The following LAPTM5 variants were observed in gnomAD, a reference collection of about 807,000 sequenced individuals.
LAPTM5 encodes lysosomal protein transmembrane 5, also known as lysosomal-associated transmembrane protein 5.
A neutral mutation model predicts 30.1 loss-of-function variants in LAPTM5; 11 were observed. That is an observed-to-expected ratio of 0.37 (90% confidence interval 0.23 to 0.60). The LOEUF is 0.60. Among genes scored for constraint, LAPTM5 ranks in the 20% least tolerant of loss-of-function variants. The pLI is 0.71. For synonymous variants in LAPTM5, 151 were observed against 137.9 expected (o/e 1.10, Z -0.67); for missense variants, 324 against 332.5 (o/e 0.97, Z 0.20).
At chr1:30,747,804 G>A (rs904683975) in intron 1 of LAPTM5, among the ~76,000 whole-genome samples, 1 of 152,168 alleles carries the variant, frequency 6.6e-6, no homozygotes, top group African/African-American at 2.4e-5. Flanking sequence ...TGCACCAGGT[G>A]TCACCTGGGA....
chr1:30,737,910 G>A lies in LAPTM5; in HGVS notation c.511-211C>T, dbSNP rs114082244. On this transcript the variant is annotated intron_variant, in intron 5 of 7. Coordinates refer to ENST00000294507, the MANE Select transcript of LAPTM5 (RefSeq NM_006762.3). ...ACGGGCAAACCAAGAAAAGCCAAGT[G>A]GCTACTATCTCCAGATCTGCTTCCC... Among the ~76,000 whole-genome samples, 1,035 of 152,280 alleles carry A rather than the reference G, an allele frequency of 6.8e-3. 15 individuals are homozygous for A. The highest frequency in any genetic ancestry group is 0.023 in the African/African-American group (976 of 41,548).
At chr1:30,743,043 C>T (rs921714033) in intron 1 of LAPTM5, among the ~76,000 whole-genome samples, 2 of 152,134 alleles carry the variant, frequency 1.3e-5, no homozygotes, top group African/African-American at 2.4e-5. Flanking sequence ...TTCAGGTTCC[C>T]GGAATCATCA....
intron 6 of LAPTM5, 112 bp from the exon 7 acceptor site, chr1:30,735,377 C>G: frequency 2.4e-6 from 2 of 836,282 alleles, no homozygotes; most frequent in East Asian, 2.4e-5. Context: ...AGCCAGCATC[C>G]AGCTGCTCCT....
intron 2 of LAPTM5, 61 bp from the exon 3 acceptor site, chr1:30,741,777 C>T (rs1324542079): frequency 7.8e-7 from 1 of 1,279,012 alleles, no homozygotes; most frequent in African/African-American, 1.5e-5. Flanking sequence ...AGCCAGGCTC[C>T]CAGGACCACA....
rs368151353 is a variant in LAPTM5, at chr1:30,733,822, C to T, written c.*6G>A. ...TCCCAGCACTGGGGCTGGGGCCTGGCGAGGGTCACACCTCTGAGTATGGGG... is the reference window on the plus strand; with the variant it reads ...TCCCAGCACTGGGGCTGGGGCCTGGTGAGGGTCACACCTCTGAGTATGGGG... On this transcript the variant is annotated 3_prime_UTR_variant, in exon 8 of 8. Coordinates refer to ENST00000294507, the MANE Select transcript of LAPTM5 (RefSeq NM_006762.3). 1.2e-6 allele frequency: 2 copies of T among 1,600,852 alleles called. No individual in the cohort carries two copies. Among genetic ancestry groups the T allele is most frequent in the Non-Finnish European group, 1.7e-6 (2 of 1,176,034 alleles).
At chr1:30,754,606 G>T (rs1160115808) in intron 1 of LAPTM5, among the ~76,000 whole-genome samples, 1 of 152,142 alleles carries the variant, frequency 6.6e-6, no homozygotes, top group African/African-American at 2.4e-5. Context: ...TTGAAAAAAA[G>T]AATAGATTTT....
Position 30,733,709 on chromosome 1 carries a change from A to G in LAPTM5, c.*119T>C. ...AGGCCAGCGAGGGAGACACAAGCAG[A>G]TTGTCCTGCCAGGGAGGGGCGGGAG... On this transcript the variant is annotated 3_prime_UTR_variant, in exon 8 of 8. Coordinates refer to ENST00000294507, the MANE Select transcript of LAPTM5 (RefSeq NM_006762.3). The G allele has an allele frequency of 6.9e-7, 1 of 1,452,886 alleles. No homozygotes were observed. Among genetic ancestry groups the G allele is most frequent in the South Asian group, 1.2e-5 (1 of 81,834 alleles). 90.0% of individuals were successfully genotyped at this position (1,452,886 alleles called of 1,614,324 possible).
chr1:30,733,898 T>A lies in LAPTM5; in HGVS notation c.719A>T (p.Glu240Val). Reference sequence around the variant, plus strand: ...CTTCGATGGCAAAGACAGGGCTTCCTCGTAGGACGGCAGGACCACCTGGGA... The same window carrying A: ...CTTCGATGGCAAAGACAGGGCTTCCACGTAGGACGGCAGGACCACCTGGGA... ...MLQKVVLPSYEEALSLPSKTP... is the reference protein window; with the variant it reads ...MLQKVVLPSYVEALSLPSKTP... Residue 240 changes from glutamate (E) to valine (V), a missense_variant, in exon 8 of 8, where the codon GAG becomes GTG. By Grantham distance (121) the Glu-to-Val change is moderately radical. Coordinates refer to ENST00000294507, the MANE Select transcript of LAPTM5 (RefSeq NM_006762.3). 6.2e-7 allele frequency: 1 copy of A among 1,611,674 alleles called. No individual in the cohort carries two copies.
In LAPTM5 at chr1:30,739,173, C is replaced by T; in HGVS notation, c.388-111G>A. 7.4e-7 allele frequency: 1 copy of T among 1,348,138 alleles called. No individual in the cohort carries two copies. The highest frequency in any genetic ancestry group is 1.0e-6 in the Non-Finnish European group (1 of 988,634). 83.5% of individuals were successfully genotyped at this position (1,348,138 alleles called of 1,614,324 possible). A position where few individuals can be genotyped will look rare whatever the true frequency, so the allele number is the denominator to read the frequency against. ...GAGAGACCGTCTCAGCTACAGACAT[C>T]AGTGACTCTCGTCCCCTGTGCACAG... On this transcript the variant is annotated intron_variant, in intron 4 of 7. Transcript: ENST00000294507. This position sits in a 1 kb window ranked among gnomAD's most constrained non-coding sequence, Gnocchi z 4.2.
chr1:30,756,004 T>G (rs1403708981), intron 1 of LAPTM5, among the ~76,000 whole-genome samples: 1 of 152,182 alleles, frequency 6.6e-6, no homozygotes, highest in East Asian at 1.9e-4. Context: ...GCATCAGAGT[T>G]GGAGACCTCT....
chr1:30,754,169 A>G lies in LAPTM5; in HGVS notation c.87+3490T>C, dbSNP rs556099093. ...GCAAAAGTGTCTTCTGGGGGTGTCCACTTTCTACCATCGACTTAGAACGTG... is the reference window on the plus strand; with the variant it reads ...GCAAAAGTGTCTTCTGGGGGTGTCCGCTTTCTACCATCGACTTAGAACGTG... On this transcript the variant is annotated intron_variant, in intron 1 of 7. Coordinates refer to ENST00000294507, the MANE Select transcript of LAPTM5 (RefSeq NM_006762.3). Among the ~76,000 whole-genome samples, 4 of 152,256 alleles carry G rather than the reference A, an allele frequency of 2.6e-5. No individual in the cohort carries two copies. In the East Asian group the frequency reaches 7.7e-4, roughly 29 times the overall value.
intron 7 of LAPTM5, among the ~76,000 whole-genome samples, 167 bp downstream of exon 7, chr1:30,735,006 T>C (rs1639866088): frequency 6.6e-6 from 1 of 152,042 alleles, no homozygotes; most frequent in African/African-American, 2.4e-5. Context: ...AATGAATGAG[T>C]GAGTGAATGA....
Position 30,751,157 on chromosome 1 carries a change from A to T in LAPTM5, c.87+6502T>A, listed in dbSNP as rs1456692381. ...GCCCTTCAGCCACTCTCTGGGTGGG[A>T]TGGGCCATGGGGGCCTCCTGCTTTT... On this transcript the variant is annotated intron_variant, in intron 1 of 7. Transcript: ENST00000294507. Among the ~76,000 whole-genome samples the T allele has an allele frequency of 3.9e-5, 6 of 152,210 alleles. No homozygotes were observed. In the East Asian group the frequency reaches 9.6e-4, roughly 24 times the overall value.
intron 6 of LAPTM5, among the ~76,000 whole-genome samples, chr1:30,737,255 GC>G (rs543415346): frequency 6.6e-6 from 1 of 152,218 alleles, no homozygotes; most frequent in Non-Finnish European, 1.5e-5. Flanking sequence ...CAAGACTCCT[GC>G]CCCTGAGGCC....
chr1:30,750,422 A>G (rs116077605), intron 1 of LAPTM5, among the ~76,000 whole-genome samples: 4,167 of 152,296 alleles, frequency 0.027, 65 homozygotes, highest in Non-Finnish European at 0.039. Context: ...CGGGCTCTGC[A>G]TCTGAGTATT....
At chr1:30,752,870 G>A (rs927502869) in intron 1 of LAPTM5, among the ~76,000 whole-genome samples, 6 of 151,994 alleles carry the variant, frequency 3.9e-5, no homozygotes, top group Non-Finnish European at 7.4e-5. Flanking sequence ...GCAGTGGCGC[G>A]ATCTCGGCTC....
At position 30,757,673 on chromosome 1, in the gene LAPTM5, C is replaced by T; in HGVS notation, c.73G>A (p.Ala25Thr). Residue 25 changes from alanine (A) to threonine (T), a missense_variant, in exon 1 of 8, where the codon GCC becomes ACC. Transcript: ENST00000294507. Reference protein sequence around the residue: ...FNVRIATTALAIYHVIMSVLL... With the variant: ...FNVRIATTALTIYHVIMSVLL... ...CGCACACTCACCACATGGTAGATGG[C>T]CAGGGCGGTGGTTGCGATGCGGACA... is the stretch of plus-strand genomic sequence containing the variant. The T allele has an allele frequency of 6.2e-7, 1 of 1,613,726 alleles. No homozygotes were observed. Among genetic ancestry groups the T allele is most frequent in the Non-Finnish European group, 8.5e-7 (1 of 1,180,008 alleles).
At chr1:30,748,538 AC>A (rs1174587611) in intron 1 of LAPTM5, among the ~76,000 whole-genome samples, 1 of 152,118 alleles carries the variant, frequency 6.6e-6, no homozygotes, top group Non-Finnish European at 1.5e-5. Context: ...CAGATGTGTC[AC>A]CATCAAGAGG....
chr1:30,749,656 T>C (rs1033903974), intron 1 of LAPTM5, among the ~76,000 whole-genome samples: 2 of 151,992 alleles, frequency 1.3e-5, no homozygotes, highest in Admixed American at 6.5e-5. Context: ...CACCCAGAGC[T>C]CAGGGTCCAA....
Sources: gnomAD v4.1 joint callset for allele counts (sites outside exome capture counted in the v4.1 genomes callset) on GRCh38, gnomAD v4.1.1 for gene constraint, Gnocchi (gnomAD v3.1) non-coding constraint, MANE v1.5 for transcripts, NCBI Gene and HGNC (gene_info 2026-07-23, HGNC 2026-07-21) for gene names.